Variants in KCNB2 observed in about 807,000 individuals in gnomAD.
The protein encoded by KCNB2 is potassium voltage-gated channel subfamily B member 2, also known as delayed rectifier potassium channel protein.
A neutral mutation model predicts 61.5 loss-of-function variants in KCNB2; 15 were observed. The ratio of observed to expected loss-of-function variants is 0.24; its 90% CI spans 0.16 to 0.38. KCNB2 has a LOEUF of 0.38. Among genes scored for constraint, KCNB2 ranks in the 10% least tolerant of loss-of-function variants. The pLI is 1.00. For missense variants in KCNB2, 828 were observed against 1,125.2 expected (o/e 0.74, Z 3.78); for synonymous variants, 457 against 446.0 (o/e 1.02, Z -0.31).
At chr8:72,580,934 C>T (rs757190927) in intron 2 of KCNB2, among the ~76,000 whole-genome samples, 6 of 152,140 alleles carry the variant, frequency 3.9e-5, no homozygotes, top group African/African-American at 1.2e-4. Flanking sequence ...TGCAATGATT[C>T]CCCACTGCCT....
chr8:72,909,246 G>T (rs1372783904), intron 2 of KCNB2, among the ~76,000 whole-genome samples: 1 of 152,184 alleles, frequency 6.6e-6, no homozygotes, highest in Non-Finnish European at 1.5e-5. Flanking sequence ...GTGACACGTG[G>T]TCCCACAGGA....
At chr8:72,844,729 C>A (rs56113661) in intron 2 of KCNB2, among the ~76,000 whole-genome samples, 30,303 of 152,114 alleles carry the variant, frequency 0.2, 3,767 homozygotes, top group Non-Finnish European at 0.28. Flanking sequence ...TTAATCAATT[C>A]GGCTATTGAT....
intron 2 of KCNB2, among the ~76,000 whole-genome samples, chr8:72,793,282 G>A (rs1554533196): frequency 6.6e-6 from 1 of 152,070 alleles, no homozygotes; most frequent in Non-Finnish European, 1.5e-5. Flanking sequence ...GTGCTAGGAA[G>A]AAAAAAACAA....
chr8:72,798,934 G>A (rs1809076100), intron 2 of KCNB2, among the ~76,000 whole-genome samples: 1 of 152,104 alleles, frequency 6.6e-6, no homozygotes, highest in Admixed American at 6.6e-5. Flanking sequence ...TTTTCTTCTT[G>A]CAGCCCCTTG....
At chr8:72,574,281 CA>C (rs1806763175) in intron 2 of KCNB2, among the ~76,000 whole-genome samples, 1 of 152,110 alleles carries the variant, frequency 6.6e-6, no homozygotes, top group South Asian at 2.1e-4. Context: ...TTCAGTTGGC[CA>C]TGTTTGATCA....
chr8:72,700,390 A>C (rs1807098561), intron 2 of KCNB2, among the ~76,000 whole-genome samples: 1 of 152,278 alleles, frequency 6.6e-6, no homozygotes, highest in South Asian at 2.1e-4. Context: ...TAATTTAAAA[A>C]GTGAGTAAAA....
chr8:72,860,341 A>G (rs547780178), intron 2 of KCNB2, among the ~76,000 whole-genome samples: 18 of 152,318 alleles, frequency 1.2e-4, no homozygotes, highest in African/African-American at 4.3e-4. Context: ...ATTCCCATCA[A>G]CACTTGTTAT....
chr8:72,814,169 A>T (rs981546027), intron 2 of KCNB2, among the ~76,000 whole-genome samples: 4 of 152,138 alleles, frequency 2.6e-5, no homozygotes, highest in Non-Finnish European at 4.4e-5. Flanking sequence ...AGCCTTGTGA[A>T]TACATATTAA....
intron 2 of KCNB2, among the ~76,000 whole-genome samples, chr8:72,747,749 A>G (rs1206562791): frequency 6.6e-6 from 1 of 152,248 alleles, no homozygotes; most frequent in African/African-American, 2.4e-5. Flanking sequence ...GTAAGAAAAT[A>G]TATTTCTGAA....
At chr8:72,901,861 G>A (rs1406363422) in intron 2 of KCNB2, among the ~76,000 whole-genome samples, 1 of 152,168 alleles carries the variant, frequency 6.6e-6, no homozygotes, top group African/African-American at 2.4e-5. Context: ...AAGCAGGGTA[G>A]GAATTTGAGC....
intron 2 of KCNB2, among the ~76,000 whole-genome samples, chr8:72,598,403 C>T (rs1452543208): frequency 6.6e-6 from 1 of 152,216 alleles, no homozygotes; most frequent in Non-Finnish European, 1.5e-5. Flanking sequence ...TTCAACAACG[C>T]TTCATGCTAA....
chr8:72,851,708 G>A (rs1810111852), intron 2 of KCNB2, among the ~76,000 whole-genome samples: 1 of 150,768 alleles, frequency 6.6e-6, no homozygotes, highest in African/African-American at 2.5e-5. Flanking sequence ...TACTACCATT[G>A]GCATGATTTG....
chr8:72,865,528 A>T (rs1169984366), intron 2 of KCNB2, among the ~76,000 whole-genome samples: 1 of 152,186 alleles, frequency 6.6e-6, no homozygotes, highest in Non-Finnish European at 1.5e-5. Flanking sequence ...AATAATTAAC[A>T]ATGGTGATGA....
intron 2 of KCNB2, among the ~76,000 whole-genome samples, chr8:72,929,294 T>G (rs1360903698): frequency 6.6e-6 from 1 of 152,206 alleles, no homozygotes; most frequent in East Asian, 1.9e-4. Flanking sequence ...GCTGCTTTAC[T>G]TCCTCCCACA....
chr8:72,802,427 C>A (rs1319252130), intron 2 of KCNB2, among the ~76,000 whole-genome samples: 1 of 152,156 alleles, frequency 6.6e-6, no homozygotes, highest in African/African-American at 2.4e-5. Context: ...GATATACACT[C>A]AAAAGTATTG....
intron 2 of KCNB2, among the ~76,000 whole-genome samples, chr8:72,642,463 A>G (rs1806071136): frequency 6.6e-6 from 1 of 152,158 alleles, no homozygotes; most frequent in South Asian, 2.1e-4. Flanking sequence ...ACAGAGGCAC[A>G]GGCAGTGAGC....
intron 2 of KCNB2, among the ~76,000 whole-genome samples, chr8:72,685,352 T>C (rs1806833049): frequency 6.6e-6 from 1 of 152,108 alleles, no homozygotes; most frequent in Non-Finnish European, 1.5e-5. Context: ...TCATAAGGAC[T>C]TGGGCAGTGT....
At chr8:72,778,022 G>T (rs932116796) in intron 2 of KCNB2, among the ~76,000 whole-genome samples, 1 of 152,102 alleles carries the variant, frequency 6.6e-6, no homozygotes, top group Non-Finnish European at 1.5e-5. Context: ...TTTAGCATGG[G>T]ATATTAGAGG....
chr8:72,734,986 TG>T (rs1807815850), intron 2 of KCNB2, among the ~76,000 whole-genome samples: 1 of 152,178 alleles, frequency 6.6e-6, no homozygotes, highest in Non-Finnish European at 1.5e-5. Context: ...ATTTGATAGG[TG>T]GCTTCCACTC....
Sources: allele counts gnomAD v4.1 joint callset (sites outside exome capture counted in the v4.1 genomes callset), GRCh38; gene constraint gnomAD v4.1.1; transcripts MANE v1.5; gene names NCBI Gene and HGNC (gene_info 2026-07-23, HGNC 2026-07-21).